MRGPRF: variants seen among roughly 807,000 people sequenced by gnomAD.
The protein encoded by MRGPRF is MAS related GPR family member F.
Under a neutral mutation model 3.3 loss-of-function variants are expected in MRGPRF, and 2 were observed. The observed-to-expected ratio is 0.61, with a 90% confidence interval of 0.25 to 1.92. The LOEUF is 1.92. Ranked by LOEUF, MRGPRF falls within the 40% of genes most tolerant of loss-of-function variation. The pLI is 0.16. For synonymous variants in MRGPRF, 242 were observed against 222.7 expected (o/e 1.09, Z -0.77); for missense variants, 500 against 476.0 (o/e 1.05, Z -0.47).
chr11:69,010,491 C>T (rs1459487705), intron 1 of MRGPRF, among the ~76,000 whole-genome samples: 1 of 152,208 alleles, frequency 6.6e-6, no homozygotes, highest in Non-Finnish European at 1.5e-5. Flanking sequence ...CAGGACAGCC[C>T]GGTCATCAGC....
chr11:69,006,020 G>A lies in MRGPRF; in HGVS notation c.290C>T (p.Ala97Val), dbSNP rs1315216900. The change falls in exon 3 of 3, where the codon GCG becomes GTG. Residue 97 changes from alanine to valine, a missense_variant. Ala to Val is a moderately conservative substitution (Grantham distance 64). Transcript: ENST00000309099. Reference protein sequence around the residue: ...SADVGYLFSKAVFSILNTGGF... With the variant: ...SADVGYLFSKVVFSILNTGGF... ...CCCCGTGTTCAGGATGGAGAACACCGCCTTGCTGAAGAGGTAGCCCACATC... is the reference window on the plus strand; with the variant it reads ...CCCCGTGTTCAGGATGGAGAACACCACCTTGCTGAAGAGGTAGCCCACATC... 1 of 1,572,630 alleles carries A rather than the reference G, an allele frequency of 6.4e-7. No homozygotes were observed. The highest frequency in any genetic ancestry group is 8.6e-7 in the Non-Finnish European group (1 of 1,158,574).
At position 69,005,891 on chromosome 11, in the gene MRGPRF, T is replaced by C. The variant is rs575985118; in HGVS notation, c.419A>G (p.Glu140Gly). The change falls in exon 3 of 3, where the codon GAG becomes GGG. Residue 140 changes from glutamate (E) to glycine (G), a missense_variant. Glu to Gly is a moderately conservative substitution (Grantham distance 98, BLOSUM62 -2). Coordinates refer to ENST00000309099, the MANE Select transcript of MRGPRF (RefSeq NM_145015.5). ...GVSLLPAVSA[E>G]RCASVIFPAW... is the part of the protein sequence containing the mutation. ...GGGGAAGATGACCGAGGCGCAGCGC[T>C]CGGCGCTGACGGCCGGCAGGAGGCT... is the stretch of plus-strand genomic sequence containing the variant. 522 of 1,570,512 alleles carry C rather than the reference T, an allele frequency of 3.3e-4. 4 individuals are homozygous for C. In the South Asian group the frequency reaches 5.8e-3, roughly 18 times the overall value.
At chr11:69,008,435 C>A (rs1021612360) in intron 2 of MRGPRF, among the ~76,000 whole-genome samples, 1 of 152,188 alleles carries the variant, frequency 6.6e-6, no homozygotes, top group Admixed American at 6.5e-5. Context: ...CAGATGACTC[C>A]CAGCTCTGGC....
chr11:69,011,258 G>T (rs1590682688), intron 1 of MRGPRF, among the ~76,000 whole-genome samples: 1 of 152,146 alleles, frequency 6.6e-6, no homozygotes, highest in Admixed American at 6.5e-5. Flanking sequence ...TTTAACCCTG[G>T]GCCTCCCGGA....
In MRGPRF at chr11:69,006,338, GGGGA is replaced by G. The variant is rs1860490402; in HGVS notation, c.49-81_49-78del. Reference sequence around the variant, plus strand: ...AGACCTGCATCTGGGGCCCAGCGTGGGGGAGGGGGGGGGTCCCAATTAGGGACTT... The same window carrying G: ...AGACCTGCATCTGGGGCCCAGCGTGGGGGGGGGGGTCCCAATTAGGGACTT... On this transcript the variant is annotated intron_variant, in intron 2 of 2. Transcript: ENST00000309099. The G allele has an allele frequency of 1.7e-5, 23 of 1,385,136 alleles. No homozygotes were observed. The African/African-American group carries it at 4.4e-4, about 26-fold the overall frequency. 85.8% of individuals were successfully genotyped at this position (1,385,136 alleles called of 1,614,324 possible).
At chr11:69,006,434 A>T (rs1017710544) in intron 2 of MRGPRF, among the ~76,000 whole-genome samples, 173 bp from the exon 3 acceptor site, 2 of 152,084 alleles carry the variant, frequency 1.3e-5, no homozygotes, top group Non-Finnish European at 2.9e-5. Context: ...TCTATCCTCA[A>T]ACGCCCCTGA....
In MRGPRF at chr11:69,005,012, C is replaced by G. The variant is rs1486380319; in HGVS notation, c.*266G>C. On this transcript the variant is annotated 3_prime_UTR_variant, in exon 3 of 3. Transcript: ENST00000309099. Reference sequence around the variant, plus strand: ...AGCCTAGGGCAAGGAGGGGCCCCACCACCTGGGGGCAACTTCTGTACAAGA... The same window carrying G: ...AGCCTAGGGCAAGGAGGGGCCCCACGACCTGGGGGCAACTTCTGTACAAGA... The G allele has an allele frequency of 2.3e-5, 10 of 429,660 alleles. No individual in the cohort carries two copies. The highest frequency in any genetic ancestry group is 4.1e-5 in the African/African-American group (2 of 48,814). The allele number at this position is 429,660 out of a possible 1,614,324, so 26.6% of individuals were successfully genotyped here. A position where few individuals can be genotyped will look rare whatever the true frequency, so the allele number is the denominator to read the frequency against.
chr11:69,006,334 C>A (rs1860490065), intron 2 of MRGPRF, 73 bp from the exon 3 acceptor site: 3 of 1,073,040 alleles, frequency 2.8e-6, no homozygotes, highest in Non-Finnish European at 3.7e-6. Flanking sequence ...TGGGGCCCAG[C>A]GTGGGGGAGG....
rs759763401 is a variant in MRGPRF at position 69,005,572 on chromosome 11, G to A, written c.738C>T (p.Ser246=). ...KLNHVILAMV[S]VFLVSSIYLG... is the part of the protein sequence containing the mutation. ...AGTAGATGGAGGACACCAGGAAGAC[G>A]GAGACCATGGCCAGGATGACGTGGT... Residue 246 remains serine, a synonymous_variant, in exon 3 of 3, where the codon TCC becomes TCT. Transcript: ENST00000309099. 8.8e-6 allele frequency: 14 copies of A among 1,584,446 alleles called. No homozygotes were observed. The highest frequency in any genetic ancestry group is 1.2e-5 in the Non-Finnish European group (14 of 1,165,896).
chr11:69,009,212 G>A (rs1860545122), intron 2 of MRGPRF, among the ~76,000 whole-genome samples: 1 of 152,220 alleles, frequency 6.6e-6, no homozygotes, highest in African/African-American at 2.4e-5. Context: ...TTACTACCTG[G>A]GTGTAAGCCT....
chr11:69,013,564 C>T (rs187695047), upstream of MRGPRF, among the ~76,000 whole-genome samples: 84 of 152,334 alleles, frequency 5.5e-4, no homozygotes, highest in African/African-American at 1.9e-3. Flanking sequence ...GTGGGCATTT[C>T]GGGGCAGGCT....
At chr11:69,010,304 T>C (rs1186276286) in intron 1 of MRGPRF, among the ~76,000 whole-genome samples, 11 of 152,236 alleles carry the variant, frequency 7.2e-5, no homozygotes, top group Admixed American at 7.2e-4. Flanking sequence ...GGCACTTCCT[T>C]TGTGCCCTGC....
chr11:69,006,336 TGG>T, intron 2 of MRGPRF, 75 bp from the exon 3 acceptor site: 4 of 1,188,928 alleles, frequency 3.4e-6, no homozygotes, highest in African/African-American at 5.1e-5. Flanking sequence ...GGGCCCAGCG[TGG>T]GGGAGGGGGG....
rs760311658 is a variant in MRGPRF, at chr11:69,005,963, C to G, written c.347G>C (p.Arg116Pro). ...GFLGTFADYI[R>P]SVCRVLGLCM... ...GAGCCCCAGGACCCGGCACACGCTGCGGATGTAGTCGGCAAACGTGCCCAG... is the reference window on the plus strand; with the variant it reads ...GAGCCCCAGGACCCGGCACACGCTGGGGATGTAGTCGGCAAACGTGCCCAG... The change falls in exon 3 of 3, where the codon CGC becomes CCC. Residue 116 changes from arginine to proline, a missense_variant. Transcript: ENST00000309099. 2.6e-6 allele frequency: 4 copies of G among 1,565,980 alleles called. No individual in the cohort carries two copies. In the Admixed American group the frequency reaches 5.8e-5, roughly 23 times the overall value.
chr11:69,009,736 C>T lies in MRGPRF; in HGVS notation c.48+118G>A, dbSNP rs549188839. On this transcript the variant is annotated intron_variant, in intron 2 of 2. Coordinates refer to ENST00000309099, the MANE Select transcript of MRGPRF (RefSeq NM_145015.5). ...AGGAGCCCACTGCCCACGGTGGGTCCAGAGCTGGAAAGTGGGGCCAGGAAG... is the reference window on the plus strand; with the variant it reads ...AGGAGCCCACTGCCCACGGTGGGTCTAGAGCTGGAAAGTGGGGCCAGGAAG... 1,419 of 1,282,886 alleles carry T rather than the reference C, an allele frequency of 1.1e-3. 10 individuals are homozygous for T. Among genetic ancestry groups the T allele is most frequent in the South Asian group, 8.8e-3 (721 of 82,370 alleles). The allele number at this position is 1,282,886 out of a possible 1,614,324, so 79.5% of individuals were successfully genotyped here. A position where few individuals can be genotyped will look rare whatever the true frequency, so the allele number is the denominator to read the frequency against.
chr11:69,005,788 G>T lies in MRGPRF; in HGVS notation c.522C>A (p.Val174=), dbSNP rs1462854500. ...CGCAGAAGTAGTTGTGCAGGCAGGT[G>T]ACCAGGAGGGACAGGACCCACAGCA... The part of the protein sequence containing the change: ...CALLWVLSLL[V]TCLHNYFCVF... Residue 174 remains valine, a synonymous_variant, in exon 3 of 3, where the codon GTC becomes GTA. Coordinates refer to ENST00000309099, the MANE Select transcript of MRGPRF (RefSeq NM_145015.5). The T allele has an allele frequency of 1.3e-6, 2 of 1,540,100 alleles. No individual in the cohort carries two copies. The highest frequency in any genetic ancestry group is 2.0e-5 in the Admixed American group (1 of 50,254).
rs1860484282 is a variant in MRGPRF at position 69,006,199 on chromosome 11, C to T, written c.111G>A (p.Gln37=). The T allele has an allele frequency of 6.2e-7, 1 of 1,613,678 alleles. No individual in the cohort carries two copies. The highest frequency in any genetic ancestry group is 1.3e-5 in the African/African-American group (1 of 74,934). ...CGGCCGGAGGCGGCAGCATCGCGAT[C>T]TGCTCGATGGTCAGGAAGCCCCGGC... ...LYSRGFLTIE[Q]IAMLPPPAVM... Residue 37 remains glutamine (Q), a synonymous_variant, in exon 3 of 3, where the codon CAG becomes CAA. Transcript: ENST00000309099.
Position 69,005,085 on chromosome 11 carries a change from G to A in MRGPRF, c.*193C>T, listed in dbSNP as rs1860441016. On this transcript the variant is annotated 3_prime_UTR_variant, in exon 3 of 3. Transcript: ENST00000309099. ...GTGGGGGAGCCGGGCAGGGGCCACA[G>A]GGTCTGTTTGCTGGTGGCTGCCCAG... The A allele has an allele frequency of 1.5e-5, 10 of 652,952 alleles. No individual in the cohort carries two copies. Among genetic ancestry groups the A allele is most frequent in the Non-Finnish European group, 2.5e-5 (10 of 404,034 alleles). 40.4% of individuals were successfully genotyped at this position (652,952 alleles called of 1,614,324 possible).
chr11:69,006,291 A>T (rs1860488774), intron 2 of MRGPRF, 30 bp from the exon 3 acceptor site: 4 of 1,542,942 alleles, frequency 2.6e-6, no homozygotes, highest in Non-Finnish European at 3.5e-6. Context: ...GACACCTGTG[A>T]TGCCGGCTGG....
Sources: allele counts gnomAD v4.1 joint callset (sites outside exome capture counted in the v4.1 genomes callset), GRCh38; gene constraint gnomAD v4.1.1; transcripts MANE v1.5; gene names NCBI Gene and HGNC (gene_info 2026-07-23, HGNC 2026-07-21).